PHF3: variants seen among roughly 807,000 people sequenced by gnomAD.
PHF3 encodes PHD finger protein 3.
PHF3 carries 41 observed loss-of-function variants against 178.4 expected under a neutral mutation model. The ratio of observed to expected loss-of-function variants is 0.23; its 90% CI spans 0.18 to 0.30. PHF3 has a LOEUF of 0.30. Among genes scored for constraint, PHF3 ranks in the 10% least tolerant of loss-of-function variants. PHF3 has a pLI of 1.00. For synonymous variants in PHF3, 842 were observed against 800.5 expected (o/e 1.05, Z -0.88); for missense variants, 2,346 against 2,398.1 (o/e 0.98, Z 0.45).
At chr6:63,668,235 T>C (rs1269378807) in intron 2 of PHF3, among the ~76,000 whole-genome samples, 1 of 152,218 alleles carries the variant, frequency 6.6e-6, no homozygotes. Context: ...GAATGAACAT[T>C]TCAGAGTTAG....
intron 11 of PHF3, among the ~76,000 whole-genome samples, chr6:63,705,311 G>A (rs1429981369): frequency 6.6e-6 from 1 of 152,202 alleles, no homozygotes; most frequent in Non-Finnish European, 1.5e-5. Context: ...CACTAAGAGA[G>A]GAATTACTAC....
chr6:63,723,853 G>T lies in PHF3; in HGVS notation c.*10145G>T, dbSNP rs916686547. On this transcript the variant is annotated 3_prime_UTR_variant, in exon 16 of 16. Coordinates refer to ENST00000262043, the MANE Select transcript of PHF3 (RefSeq NM_001370348.2). ...ATTATTATTTTGAGACCAGAGTCCT[G>T]CTCTGTCCCCCAAGCTGGAGTGCAA... 1.3e-5 allele frequency among the ~76,000 whole-genome samples: 2 copies of T among 150,010 alleles called. No homozygotes were observed. Among genetic ancestry groups the T allele is most frequent in the Non-Finnish European group, 3.0e-5 (2 of 67,646 alleles).
chr6:63,647,742 A>G (rs1764851267), intron 2 of PHF3, among the ~76,000 whole-genome samples: 1 of 152,220 alleles, frequency 6.6e-6, no homozygotes, highest in South Asian at 2.1e-4. Context: ...TTTTTCTTTT[A>G]TAAAGCAGAG....
At chr6:63,700,771 G>C (rs376467732) in intron 9 of PHF3, among the ~76,000 whole-genome samples, 1 of 151,994 alleles carries the variant, frequency 6.6e-6, no homozygotes, top group Non-Finnish European at 1.5e-5. Flanking sequence ...TTTAGTAGAG[G>C]TGGGGTTTTA....
At chr6:63,686,791 A>G (rs926148998) in intron 4 of PHF3, among the ~76,000 whole-genome samples, 4 of 152,208 alleles carry the variant, frequency 2.6e-5, no homozygotes, top group Non-Finnish European at 5.9e-5. Flanking sequence ...CTTATTCATG[A>G]AAGTGTGCTA....
chr6:63,641,761 G>A (rs531830756), intron 1 of PHF3, among the ~76,000 whole-genome samples: 7 of 151,338 alleles, frequency 4.6e-5, no homozygotes, highest in African/African-American at 1.2e-4. Flanking sequence ...CCTCAGCCTC[G>A]GATTACAGGC....
chr6:63,720,952 T>C lies in PHF3; in HGVS notation c.*7244T>C. Reference sequence around the variant, plus strand: ...TTATAGCTCATAGGCACAGAGATTCTTTCTCCCAAGTTAACTGCTATTTTC... The same window carrying C: ...TTATAGCTCATAGGCACAGAGATTCCTTCTCCCAAGTTAACTGCTATTTTC... On this transcript the variant is annotated 3_prime_UTR_variant, in exon 16 of 16. Transcript: ENST00000262043. The C allele has an allele frequency of 6.4e-7, 1 of 1,551,360 alleles. No homozygotes were observed. Among genetic ancestry groups the C allele is most frequent in the South Asian group, 1.2e-5 (1 of 84,062 alleles).
At chr6:63,661,622 G>A (rs927987039) in intron 2 of PHF3, among the ~76,000 whole-genome samples, 2 of 152,062 alleles carry the variant, frequency 1.3e-5, no homozygotes, top group African/African-American at 2.4e-5. Flanking sequence ...CTAACATCAT[G>A]GTCTGACTGA....
intron 2 of PHF3, among the ~76,000 whole-genome samples, chr6:63,647,873 A>G (rs1437465270): frequency 6.6e-6 from 1 of 152,186 alleles, no homozygotes; most frequent in Non-Finnish European, 1.5e-5. Context: ...TCCCTAGAGT[A>G]AATAGTTCTC....
At position 63,694,704 on chromosome 6, in the gene PHF3, G is replaced by GA. The variant is rs1219000349; in HGVS notation, c.2626dup (p.Ile876AsnfsTer22). 1 of 1,599,584 alleles carries GA rather than the reference G, an allele frequency of 6.3e-7. No individual in the cohort carries two copies. Among genetic ancestry groups the GA allele is most frequent in the Non-Finnish European group, 8.5e-7 (1 of 1,172,804 alleles). On this transcript the variant is annotated frameshift_variant, in exon 6 of 16. Coordinates refer to ENST00000262043, the MANE Select transcript of PHF3 (RefSeq NM_001370348.2). LOFTEE classifies it high-confidence loss of function. ...TCGGAGATCCTCAGAAGAAAAAAGT[G>GA]AAAAAATACCGAAAGAGTCTACAAC...
Position 63,646,698 on chromosome 6 carries a change from C to T in PHF3, c.147C>T (p.Leu49=). The T allele has an allele frequency of 6.2e-7, 1 of 1,613,556 alleles. No individual in the cohort carries two copies. Among genetic ancestry groups the T allele is most frequent in the Non-Finnish European group, 8.5e-7 (1 of 1,179,822 alleles). Residue 49 remains leucine (L), a synonymous_variant, in exon 2 of 16, where the codon CTC becomes CTT. Coordinates refer to ENST00000262043, the MANE Select transcript of PHF3 (RefSeq NM_001370348.2). The part of the protein sequence containing the change: ...NVLEDSLKNM[L]SDKDPMLGSA... ...TAGAGGACTCGCTGAAGAACATGCT[C>T]AGCGATAAGGATCCTATGCTAGGAT...
intron 3 of PHF3, 72 bp downstream of exon 3, chr6:63,680,233 T>G: frequency 8.1e-7 from 1 of 1,236,714 alleles, no homozygotes. Flanking sequence ...ATAAACCTGC[T>G]GAGCAGAAAT....
chr6:63,684,130 A>G lies in PHF3; in HGVS notation c.408A>G (p.Glu136=). The change falls in exon 4 of 16, where the codon GAA becomes GAG. Residue 136 remains glutamate (E), a splice_region_variant and synonymous_variant. Transcript: ENST00000262043. ...ATTTATTTTTTCCCCCTGTGATAGA[A>G]CAAGTAAGAAGTTTGCGACAGAGCA... ...PRKSPRLMAQ[E]QVRSLRQSTI... The G allele has an allele frequency of 6.3e-7, 1 of 1,582,780 alleles. No individual in the cohort carries two copies. Among genetic ancestry groups the G allele is most frequent in the Non-Finnish European group, 8.6e-7 (1 of 1,168,972 alleles).
intron 2 of PHF3, among the ~76,000 whole-genome samples, chr6:63,669,356 A>G (rs974279333): frequency 6.6e-6 from 1 of 152,182 alleles, no homozygotes; most frequent in African/African-American, 2.4e-5. Flanking sequence ...CTGTTTTTGT[A>G]GGTAAGGCTT....
chr6:63,702,989 C>A (rs66973400), intron 10 of PHF3, among the ~76,000 whole-genome samples: 12,668 of 152,148 alleles, frequency 0.083, 576 homozygotes, highest in East Asian at 0.16. Context: ...GCGATGCTGC[C>A]ACCTCAGCCT....
intron 2 of PHF3, among the ~76,000 whole-genome samples, chr6:63,651,918 A>C (rs990553091): frequency 5.9e-5 from 9 of 152,228 alleles, no homozygotes; most frequent in African/African-American, 2.2e-4. Flanking sequence ...CATTGTGTAT[A>C]TATATACCAC....
chr6:63,661,475 A>T (rs1765463155), intron 2 of PHF3, among the ~76,000 whole-genome samples: 1 of 152,232 alleles, frequency 6.6e-6, no homozygotes, highest in Non-Finnish European at 1.5e-5. Context: ...GGAAAAGGAA[A>T]ATAATTTTTG....
chr6:63,642,474 C>T (rs1764617061), intron 1 of PHF3, among the ~76,000 whole-genome samples: 1 of 152,186 alleles, frequency 6.6e-6, no homozygotes, highest in African/African-American at 2.4e-5. Flanking sequence ...ATGCTTAACA[C>T]ATGTATGAGT....
intron 3 of PHF3, among the ~76,000 whole-genome samples, chr6:63,681,766 T>C (rs975711114): frequency 1.3e-5 from 2 of 152,064 alleles, no homozygotes; most frequent in African/African-American, 4.8e-5. Flanking sequence ...TTTAAAAAGG[T>C]TTTGGCCTCC....
Sources: allele counts gnomAD v4.1 joint callset (sites outside exome capture counted in the v4.1 genomes callset), GRCh38; gene constraint gnomAD v4.1.1; transcripts MANE v1.5; gene names NCBI Gene and HGNC (gene_info 2026-07-23, HGNC 2026-07-21).